Variants in INPP5A observed in about 807,000 individuals in gnomAD.
INPP5A encodes inositol polyphosphate-5-phosphatase A.
In INPP5A, 14 loss-of-function variants were observed where a neutral mutation model predicts 65.2. The ratio of observed to expected loss-of-function variants is 0.21; its 90% CI spans 0.14 to 0.34. The LOEUF (loss-of-function observed/expected upper bound fraction) is 0.34, where lower values mean the gene tolerates loss of function less well. INPP5A is among the 10% of genes least tolerant of loss of function. INPP5A has a pLI of 1.00. For missense variants in INPP5A, 431 were observed against 545.6 expected, an observed-to-expected ratio of 0.79 and a Z score of 2.09; for synonymous variants, 207 against 208.3, an observed-to-expected ratio of 0.99 and a Z score of 0.05.
intron 1 of INPP5A, among the ~76,000 whole-genome samples, chr10:132,544,067 C>T (rs955093597): frequency 2.5e-4 from 38 of 152,328 alleles, no homozygotes; most frequent in African/African-American, 8.9e-4. Context: ...GGTGGCTGCC[C>T]CATGTCACAT....
Position 132,762,177 on chromosome 10 carries a change from G to A in INPP5A, c.904-3596G>A, listed in dbSNP as rs1300357563. On this transcript the variant is annotated intron_variant, in intron 11 of 15. Coordinates refer to ENST00000368594, the MANE Select transcript of INPP5A (RefSeq NM_005539.5). This position sits in a 1 kb window ranked among gnomAD's most constrained non-coding sequence, Gnocchi z 4.6. ...GAAGAGCCCAGCGCTTGCGCAGTGA[G>A]GGTCCACGAGGGGCACACTGGAGAG... Among the ~76,000 whole-genome samples the A allele has an allele frequency of 6.6e-6, 1 of 152,174 alleles. No individual in the cohort carries two copies.
At position 132,698,007 on chromosome 10, in the gene INPP5A, A is replaced by G. The variant is rs940219640; in HGVS notation, c.474+88A>G. Reference sequence around the variant, plus strand: ...ATGGAACACGGAATTTTCGCATTGCACTGTTACTAGTCACAGCTGCCTGTT... The same window carrying G: ...ATGGAACACGGAATTTTCGCATTGCGCTGTTACTAGTCACAGCTGCCTGTT... On this transcript the variant is annotated intron_variant, in intron 6 of 15. Coordinates refer to ENST00000368594, the MANE Select transcript of INPP5A (RefSeq NM_005539.5). This position sits in a 1 kb window ranked among gnomAD's most constrained non-coding sequence, Gnocchi z 5.5. 6.1e-6 allele frequency: 5 copies of G among 821,836 alleles called. No homozygotes were observed. In the African/African-American group the frequency reaches 8.4e-5, roughly 14 times the overall value. The allele number at this position is 821,836 out of a possible 1,614,324, so 50.9% of individuals were successfully genotyped here. A position where few individuals can be genotyped will look rare whatever the true frequency, so the allele number is the denominator to read the frequency against.
At chr10:132,617,760 G>A (rs1442678999) in intron 2 of INPP5A, among the ~76,000 whole-genome samples, 1 of 152,226 alleles carries the variant, frequency 6.6e-6, no homozygotes, top group Non-Finnish European at 1.5e-5. Context: ...AGCAGAAAAG[G>A]ATAAACATTC....
At chr10:132,628,630 T>G (rs1038765824) in intron 2 of INPP5A, among the ~76,000 whole-genome samples, 2 of 152,236 alleles carry the variant, frequency 1.3e-5, no homozygotes, top group Non-Finnish European at 2.9e-5. Context: ...TTTCTTAGGC[T>G]CTTAGAGTTT....
At chr10:132,667,163 G>A (rs1482312408) in intron 4 of INPP5A, among the ~76,000 whole-genome samples, 2 of 152,220 alleles carry the variant, frequency 1.3e-5, no homozygotes, top group Non-Finnish European at 2.9e-5. Flanking sequence ...AATAAATGCT[G>A]CTGTACAAGC....
At position 132,736,631 on chromosome 10, in the gene INPP5A, T is replaced by C. The variant is rs539561919; in HGVS notation, c.732+9726T>C. Reference sequence around the variant, plus strand: ...CCCAGCACCTGCCTCAAAGGCTGTGTCTGCCGTTCAGTGGAGACCATGGCC... The same window carrying C: ...CCCAGCACCTGCCTCAAAGGCTGTGCCTGCCGTTCAGTGGAGACCATGGCC... On this transcript the variant is annotated intron_variant, in intron 9 of 15. Transcript: ENST00000368594. Among the ~76,000 whole-genome samples, 168 of 152,310 alleles carry C rather than the reference T, an allele frequency of 1.1e-3. 1 individual carries two copies. The highest frequency in any genetic ancestry group is 3.9e-3 in the African/African-American group (162 of 41,574).
rs2072710221 is a variant in INPP5A at position 132,659,730 on chromosome 10, G to A, written c.306+9225G>A. ...ACTTGGCAGGCGGCAACCTTGCCTG[G>A]CACTCACCAGGGCCTCCTCCCCAGC... On this transcript the variant is annotated intron_variant, in intron 4 of 15. Coordinates refer to ENST00000368594, the MANE Select transcript of INPP5A (RefSeq NM_005539.5). The surrounding 1 kb of genome is among the most constrained non-coding windows in gnomAD (Gnocchi z 5.5). Among the ~76,000 whole-genome samples the A allele has an allele frequency of 1.3e-5, 2 of 152,312 alleles. No individual in the cohort carries two copies. The highest frequency in any genetic ancestry group is 4.1e-4 in the South Asian group (2 of 4,828).
chr10:132,593,223 G>A (rs2071641004), intron 1 of INPP5A, among the ~76,000 whole-genome samples: 2 of 152,166 alleles, frequency 1.3e-5, no homozygotes, highest in African/African-American at 4.8e-5. Context: ...CTTTGCCTCA[G>A]CCTATGCATG....
At chr10:132,570,556 A>G (rs927680708) in intron 1 of INPP5A, among the ~76,000 whole-genome samples, 1 of 152,110 alleles carries the variant, frequency 6.6e-6, no homozygotes, top group African/African-American at 2.4e-5. Flanking sequence ...GCTGGTGCTG[A>G]CCACACACAG....
chr10:132,740,661 C>G (rs1846256771), intron 9 of INPP5A, among the ~76,000 whole-genome samples: 1 of 152,192 alleles, frequency 6.6e-6, no homozygotes, highest in Non-Finnish European at 1.5e-5. Context: ...ATCCCTGCTG[C>G]TAGAGAGTGG....
chr10:132,605,625 C>T (rs1335024122), intron 1 of INPP5A, among the ~76,000 whole-genome samples: 25 of 152,062 alleles, frequency 1.6e-4, no homozygotes, highest in Admixed American at 1.4e-3. Context: ...CTGGGAGCTT[C>T]CAAGCTGGGG....
chr10:132,769,243 C>T (rs1175067123), intron 12 of INPP5A, among the ~76,000 whole-genome samples: 2 of 152,252 alleles, frequency 1.3e-5, no homozygotes, highest in Non-Finnish European at 2.9e-5. Context: ...GCTAATATTT[C>T]AGACATTTAT....
intron 9 of INPP5A, among the ~76,000 whole-genome samples, chr10:132,728,423 G>A (rs773772753): frequency 2.6e-5 from 4 of 152,344 alleles, no homozygotes; most frequent in South Asian, 4.1e-4. Context: ...ATGTCCCCGC[G>A]TCCGAGGCTG....
At chr10:132,594,950 T>G (rs2071666005) in intron 1 of INPP5A, among the ~76,000 whole-genome samples, 1 of 152,236 alleles carries the variant, frequency 6.6e-6, no homozygotes, top group African/African-American at 2.4e-5. Context: ...TTCTTCTTCC[T>G]AAAGCCTTTA....
intron 4 of INPP5A, among the ~76,000 whole-genome samples, chr10:132,667,591 G>A (rs1312085328): frequency 2.0e-5 from 3 of 152,238 alleles, no homozygotes; most frequent in Non-Finnish European, 2.9e-5. Flanking sequence ...CCCCGGACAC[G>A]ATGTAATTTC....
At chr10:132,558,718 G>A (rs916326023) in intron 1 of INPP5A, among the ~76,000 whole-genome samples, 23 of 152,224 alleles carry the variant, frequency 1.5e-4, no homozygotes, top group African/African-American at 4.1e-4. Flanking sequence ...GCCTAGCCTC[G>A]CTGCCATCGC....
rs778462806 is a variant in INPP5A, at chr10:132,551,061, G to A, written c.75+12890G>A. Among the ~76,000 whole-genome samples the A allele has an allele frequency of 8.5e-5, 13 of 152,230 alleles. No individual in the cohort carries two copies. The highest frequency in any genetic ancestry group is 7.9e-4 in the Admixed American group (12 of 15,286). ...GGCTTCAGTAGCCACACGCTGCTTG[G>A]TCCAGGTTCCTGCCTGAGCCCACTG... On this transcript the variant is annotated intron_variant, in intron 1 of 15. Transcript: ENST00000368594. This position sits in a 1 kb window ranked among gnomAD's most constrained non-coding sequence, Gnocchi z 5.3.
chr10:132,742,424 G>A (rs754722017), intron 9 of INPP5A, among the ~76,000 whole-genome samples: 48 of 152,170 alleles, frequency 3.2e-4, no homozygotes, highest in Admixed American at 3.3e-4. Context: ...GGTGCCCACC[G>A]CCTGTGGAAG....
intron 8 of INPP5A, among the ~76,000 whole-genome samples, chr10:132,718,507 G>C (rs1481170981): frequency 6.7e-6 from 1 of 150,018 alleles, no homozygotes; most frequent in Non-Finnish European, 1.5e-5. Flanking sequence ...TTAGATGGCT[G>C]TCTTGCGGGT....
Sources: allele counts gnomAD v4.1 joint callset (sites outside exome capture counted in the v4.1 genomes callset), GRCh38; gene constraint gnomAD v4.1.1; non-coding constraint Gnocchi (gnomAD v3.1); transcripts MANE v1.5; gene names NCBI Gene and HGNC (gene_info 2026-07-23, HGNC 2026-07-21).